Variants in DOCK1 observed in about 807,000 individuals in gnomAD.
DOCK1 encodes dedicator of cytokinesis protein 1.
In DOCK1, 138 loss-of-function variants were observed where a neutral mutation model predicts 262.7. The ratio of observed to expected loss-of-function variants is 0.53; its 90% CI spans 0.46 to 0.61. The LOEUF is 0.61. DOCK1 is among the 20% of genes least tolerant of loss of function. DOCK1 has a pLI of 0.00. For missense variants in DOCK1, 1,908 were observed against 2,370.7 expected (o/e 0.80, Z 4.05); for synonymous variants, 866 against 867.4 (o/e 1.00, Z 0.03).
Position 127,381,260 on chromosome 10 carries a change from T to C in DOCK1, c.3717-18T>C. 1.9e-6 allele frequency: 3 copies of C among 1,596,780 alleles called. No individual in the cohort carries two copies. Among genetic ancestry groups the C allele is most frequent in the Non-Finnish European group, 2.6e-6 (3 of 1,169,980 alleles). On this transcript the variant is annotated intron_variant, in intron 36 of 51. Transcript: ENST00000623213. ...TTTAGTGACATTTTAAGAACATACC[T>C]CTGTTTTATTGTCTCAGGTATTTGT... is the stretch of plus-strand genomic sequence containing the variant.
At chr10:127,286,639 G>A (rs2061163410) in intron 29 of DOCK1, among the ~76,000 whole-genome samples, 1 of 151,938 alleles carries the variant, frequency 6.6e-6, no homozygotes, top group Admixed American at 6.6e-5. Flanking sequence ...CAAATCTTAG[G>A]CATTATATCA....
chr10:127,362,355 C>T (rs572715904), intron 33 of DOCK1, 143 bp downstream of exon 33: 209 of 1,023,224 alleles, frequency 2.0e-4, no homozygotes, highest in Admixed American at 4.8e-4. Flanking sequence ...AGAGAAAAAG[C>T]CTATGATTTT....
At chr10:127,036,992 A>AAAAG (rs1490408230) in intron 18 of DOCK1, among the ~76,000 whole-genome samples, 3 of 150,770 alleles carry the variant, frequency 2.0e-5, no homozygotes, top group African/African-American at 7.3e-5. Context: ...AAAAAAAAAA[A>AAAAG]AAAAAGAAAA....
intron 29 of DOCK1, among the ~76,000 whole-genome samples, chr10:127,267,093 C>T (rs2060388802): frequency 6.6e-6 from 1 of 152,188 alleles, no homozygotes; most frequent in Non-Finnish European, 1.5e-5. Flanking sequence ...CCCACTGGGG[C>T]TACATTGCTA....
chr10:126,937,212 C>G (rs1322860610), intron 1 of DOCK1, among the ~76,000 whole-genome samples: 2 of 151,966 alleles, frequency 1.3e-5, no homozygotes, highest in African/African-American at 4.8e-5. Context: ...TTGTATATGC[C>G]AGTTTTGCTT....
At chr10:127,241,071 C>T (rs780823792) in intron 27 of DOCK1, among the ~76,000 whole-genome samples, 19 of 152,294 alleles carry the variant, frequency 1.2e-4, no homozygotes, top group Admixed American at 5.9e-4. Context: ...CGCCTGTAAT[C>T]CCAATGCTCT....
At chr10:127,086,845 A>G (rs2047228400) in intron 23 of DOCK1, among the ~76,000 whole-genome samples, 1 of 152,248 alleles carries the variant, frequency 6.6e-6, no homozygotes, top group African/African-American at 2.4e-5. Flanking sequence ...ATTCCTATAC[A>G]TGAATATTAG....
Position 127,061,768 on chromosome 10 carries a change from C to T in DOCK1, c.2437C>T (p.Arg813Trp), listed in dbSNP as rs768105994. Residue 813 changes from arginine to tryptophan, a missense_variant, in exon 23 of 52, where the codon CGG (arginine) becomes TGG (tryptophan). This residue lies in a region of DOCK1 where 518 missense variants were observed against 575.1 expected (regional missense o/e 0.90). Coordinates refer to ENST00000623213, the MANE Select transcript of DOCK1 (RefSeq NM_001290223.2). ...GAGCAGCATGTCAGACCAGACCGTC[C>T]GGGTGAAGGTGAGTGCCGGCCACTG... The part of the protein sequence containing the change: ...MMSSMSDQTV[R>W]VKGAALKYLP... 90 of 1,584,416 alleles carry T rather than the reference C, an allele frequency of 5.7e-5. No individual in the cohort carries two copies. The highest frequency in any genetic ancestry group is 6.7e-5 in the Non-Finnish European group (78 of 1,165,154).
intron 1 of DOCK1, among the ~76,000 whole-genome samples, chr10:126,949,482 T>C (rs935520127): frequency 1.1e-4 from 16 of 152,288 alleles, no homozygotes; most frequent in Non-Finnish European, 2.2e-4. Context: ...GGGTTGGTCC[T>C]ATGATGAGAC....
intron 28 of DOCK1, among the ~76,000 whole-genome samples, chr10:127,254,831 A>AGT (rs2059775251): frequency 6.6e-6 from 1 of 152,212 alleles, no homozygotes; most frequent in Non-Finnish European, 1.5e-5. Context: ...AAATGGGTTC[A>AGT]GTGTGATGTC....
intron 4 of DOCK1, among the ~76,000 whole-genome samples, chr10:126,983,854 A>G (rs2039158946): frequency 6.6e-6 from 1 of 151,990 alleles, no homozygotes; most frequent in Non-Finnish European, 1.5e-5. Context: ...AGCAATTCCC[A>G]TTTTGTCCTC....
intron 29 of DOCK1, among the ~76,000 whole-genome samples, chr10:127,290,284 TA>T (rs2061305562): frequency 6.6e-6 from 1 of 152,218 alleles, no homozygotes. Flanking sequence ...AGATAGTGTT[TA>T]TTTTTTTCCA....
intron 38 of DOCK1, among the ~76,000 whole-genome samples, chr10:127,385,343 A>G (rs2066050826): frequency 6.6e-6 from 1 of 152,070 alleles, no homozygotes; most frequent in African/African-American, 2.4e-5. Context: ...CTTGACTTCC[A>G]CTAAAAGGAA....
rs1461877393 is a variant in DOCK1 at position 127,381,676 on chromosome 10, C to T, written c.3807+308C>T. On this transcript the variant is annotated intron_variant, in intron 37 of 51. Coordinates refer to ENST00000623213, the MANE Select transcript of DOCK1 (RefSeq NM_001290223.2). ...CAATTCCTTGTTCAGGACTACAGGA[C>T]TCCAGGATGGTGGAGAACAATATCA... 2.0e-5 allele frequency among the ~76,000 whole-genome samples: 3 copies of T among 152,198 alleles called. No individual in the cohort carries two copies. The East Asian group carries it at 5.8e-4, about 29-fold the overall frequency.
intron 40 of DOCK1, among the ~76,000 whole-genome samples, chr10:127,407,341 C>T (rs1286303292): frequency 5.3e-5 from 8 of 152,098 alleles, no homozygotes; most frequent in Non-Finnish European, 1.0e-4. Context: ...TCATAGATGG[C>T]GCCTTCCACC....
intron 51 of DOCK1, among the ~76,000 whole-genome samples, chr10:127,447,780 A>G (rs1429984608): frequency 6.6e-6 from 1 of 152,238 alleles, no homozygotes; most frequent in African/African-American, 2.4e-5. Flanking sequence ...GCACATTTTG[A>G]TATCATGCCT....
intron 1 of DOCK1, among the ~76,000 whole-genome samples, chr10:126,928,022 T>A (rs1291864034): frequency 6.6e-6 from 1 of 152,202 alleles, no homozygotes; most frequent in African/African-American, 2.4e-5. Context: ...GTTTCTGGAC[T>A]CTGACAGACA....
chr10:127,408,240 C>T (rs1204114392), intron 40 of DOCK1, among the ~76,000 whole-genome samples: 1 of 152,170 alleles, frequency 6.6e-6, no homozygotes, highest in Non-Finnish European at 1.5e-5. Context: ...TATAACAACC[C>T]CAGTGGACTG....
chr10:127,056,543 T>C (rs1192773031), intron 22 of DOCK1, among the ~76,000 whole-genome samples: 1 of 152,024 alleles, frequency 6.6e-6, no homozygotes, highest in African/African-American at 2.4e-5. Flanking sequence ...CTCCCTCTTT[T>C]CCTCCCTTCT....
Sources: gnomAD v4.1 joint callset for allele counts (sites outside exome capture counted in the v4.1 genomes callset) on GRCh38, gnomAD v4.1.1 for gene constraint, gnomAD v4.1.1 regional missense constraint, MANE v1.5 for transcripts, NCBI Gene and HGNC (gene_info 2026-07-23, HGNC 2026-07-21) for gene names.